The following SARAF variants were observed in gnomAD, a reference collection of about 807,000 sequenced individuals.
SARAF encodes the protein store-operated calcium entry-associated regulatory factor.
Under a neutral mutation model 39.7 loss-of-function variants are expected in SARAF, and 23 were observed. That is an observed-to-expected ratio of 0.58 (90% CI 0.42 to 0.82). The LOEUF (loss-of-function observed/expected upper bound fraction) is 0.82, where lower values mean the gene tolerates loss of function less well. Among genes scored for constraint, SARAF ranks in the 40% least tolerant of loss-of-function variants. The pLI, the probability that SARAF is intolerant of heterozygous loss-of-function variation, is 0.00. For synonymous variants in SARAF, 175 were observed against 168.5 expected, an observed-to-expected ratio of 1.04 and a Z score of -0.30; for missense variants, 384 against 418.5, an observed-to-expected ratio of 0.92 and a Z score of 0.72.
At position 30,082,884 on chromosome 8, in the gene SARAF, C is replaced by A; in HGVS notation, c.66G>T (p.Leu22=). 1 of 1,560,010 alleles carries A rather than the reference C, an allele frequency of 6.4e-7. No individual in the cohort carries two copies. Among genetic ancestry groups the A allele is most frequent in the East Asian group, 2.4e-5 (1 of 41,328 alleles). ...YCLLLGLHLF[L]LTAGPALGWN... is the part of the protein sequence containing the mutation. ...AGCCCAGGGCAGGGCCCGCGGTCAG[C>A]AGAAACAAATGCAAGCCGAGGAGCA... Residue 22 remains leucine (L), a synonymous_variant, in exon 1 of 6, where the codon CTG becomes CTT. Coordinates refer to ENST00000256255, the MANE Select transcript of SARAF (RefSeq NM_016127.6).
chr8:30,079,956 C>T (rs535481411), intron 1 of SARAF, among the ~76,000 whole-genome samples: 11 of 152,270 alleles, frequency 7.2e-5, no homozygotes, highest in Admixed American at 4.6e-4. Flanking sequence ...ATCAAAATCA[C>T]GGCAGGTCTC....
chr8:30,067,878 T>A (rs1400542275), intron 3 of SARAF, among the ~76,000 whole-genome samples: 1 of 152,222 alleles, frequency 6.6e-6, no homozygotes, highest in African/African-American at 2.4e-5. Context: ...GGTATGTACA[T>A]AGGAATAGAA....
chr8:30,074,830 CTA>C (rs1801922276), intron 1 of SARAF, among the ~76,000 whole-genome samples: 2 of 151,930 alleles, frequency 1.3e-5, no homozygotes, highest in Non-Finnish European at 1.5e-5. Flanking sequence ...TGGGTGATGA[CTA>C]TGTGTAGGTT....
At chr8:30,065,382 T>A (rs1198388361) in intron 5 of SARAF, among the ~76,000 whole-genome samples, 2 of 152,220 alleles carry the variant, frequency 1.3e-5, no homozygotes, top group African/African-American at 4.8e-5. Context: ...TCTACTCACA[T>A]TTTAAAACAT....
intron 5 of SARAF, among the ~76,000 whole-genome samples, chr8:30,064,561 A>ATATATATATTTTTTTTTTTTTTTTT (rs1423689069): frequency 4.3e-5 from 2 of 46,236 alleles, no homozygotes; most frequent in African/African-American, 2.2e-4. Flanking sequence ...ATATATATAT[A>ATATATATATTTTTTTTTTTTTTTTT]TTTTTTTTTT....
rs11538825 is a variant in SARAF at position 30,082,972 on chromosome 8, G to A, written c.-23C>T. 3 of 1,528,228 alleles carry A rather than the reference G, an allele frequency of 2.0e-6. No individual in the cohort carries two copies. The highest frequency in any genetic ancestry group is 2.5e-5 in the East Asian group (1 of 39,444). The allele number at this position is 1,528,228 out of a possible 1,614,324, so 94.7% of individuals were successfully genotyped here. A position where few individuals can be genotyped will look rare whatever the true frequency, so the allele number is the denominator to read the frequency against. Reference sequence around the variant, plus strand: ...CATGGCGCTCGATGAAGATGGCGCCGGGCTGCCAGACGCCTACGGGCCGAA... The same window carrying A: ...CATGGCGCTCGATGAAGATGGCGCCAGGCTGCCAGACGCCTACGGGCCGAA... On this transcript the variant is annotated 5_prime_UTR_variant, in exon 1 of 6. Transcript: ENST00000256255.
In SARAF at chr8:30,069,912, G is replaced by A; in HGVS notation, c.430C>T (p.Gln144Ter). 6.2e-7 allele frequency: 1 copy of A among 1,614,072 alleles called. No homozygotes were observed. The highest frequency in any genetic ancestry group is 8.5e-7 in the Non-Finnish European group (1 of 1,180,026). The change falls in exon 3 of 6, where the codon CAG (glutamine) becomes TAG (stop). Residue 144 changes from glutamine (Q) to a stop codon, truncating the protein, a stop_gained. Coordinates refer to ENST00000256255, the MANE Select transcript of SARAF (RefSeq NM_016127.6). LOFTEE classifies it high-confidence loss of function. Reference sequence around the variant, plus strand: ...TGCTTTCCAGACTCCTTCAGTTTCTGCAGGCCAAGTTCTGTATAATCTAAA... The same window carrying A: ...TGCTTTCCAGACTCCTTCAGTTTCTACAGGCCAAGTTCTGTATAATCTAAA... ...YNLDYTELGL[Q>*]KLKESGKQHG...
Position 30,074,013 on chromosome 8 carries a change from T to C in SARAF, c.146A>G (p.Tyr49Cys), listed in dbSNP as rs769336201. Reference protein sequence around the residue: ...LRDVKALTLHYDRYTTSRRLD... With the variant: ...LRDVKALTLHCDRYTTSRRLD... ...CCTGCGGGAGGTGGTATAGCGGTCA[T>C]AGTGGAGGGTAAGAGCTTTTACATC... is the stretch of plus-strand genomic sequence containing the variant. Residue 49 changes from tyrosine (Y) to cysteine (C), a missense_variant, in exon 2 of 6, where the codon TAT becomes TGT. By Grantham distance (194) the Tyr-to-Cys change is radical. Coordinates refer to ENST00000256255, the MANE Select transcript of SARAF (RefSeq NM_016127.6). The C allele has an allele frequency of 1.9e-5, 30 of 1,613,918 alleles. No individual in the cohort carries two copies. Among genetic ancestry groups the C allele is most frequent in the African/African-American group, 2.7e-5 (2 of 74,912 alleles).
rs1801792007 is a variant in SARAF at position 30,069,861 on chromosome 8, A to C, written c.481T>G (p.Tyr161Asp). The C allele has an allele frequency of 1.2e-6, 2 of 1,614,162 alleles. No homozygotes were observed. The highest frequency in any genetic ancestry group is 8.5e-7 in the Non-Finnish European group (1 of 1,180,012). The change falls in exon 3 of 6, where the codon TAT becomes GAT. Residue 161 changes from tyrosine (Y) to aspartate (D), a missense_variant. Coordinates refer to ENST00000256255, the MANE Select transcript of SARAF (RefSeq NM_016127.6). ...KQHGFASFSD[Y>D]YYKWSSADSC... The stretch of plus-strand genomic sequence containing the variant: ...TCCGCCGAGGACCACTTATAATAAT[A>C]ATCAGAGAAAGAGGCAAAGCCGTGC...
chr8:30,073,953 C>T lies in SARAF; in HGVS notation c.206G>A (p.Gly69Asp). Residue 69 changes from glycine (G) to aspartate (D), a missense_variant, in exon 2 of 6, where the codon GGC becomes GAC. Transcript: ENST00000256255. ...GGTATAAGAATCACAACCAGCTGTG[C>T]CTCCAACACATTTCAACTGTGGGAT... ...DPIPQLKCVGGTAGCDSYTPK... is the reference protein window; with the variant it reads ...DPIPQLKCVGDTAGCDSYTPK... 6.2e-7 allele frequency: 1 copy of T among 1,614,196 alleles called. No homozygotes were observed. The highest frequency in any genetic ancestry group is 2.2e-5 in the East Asian group (1 of 44,886).
At chr8:30,071,864 T>C (rs1801855336) in intron 2 of SARAF, among the ~76,000 whole-genome samples, 1 of 152,202 alleles carries the variant, frequency 6.6e-6, no homozygotes, top group African/African-American at 2.4e-5. Flanking sequence ...GTAATGGACA[T>C]TTGAATTGTT....
intron 1 of SARAF, among the ~76,000 whole-genome samples, chr8:30,076,365 TC>T (rs1801966488): frequency 1.3e-5 from 2 of 152,180 alleles, no homozygotes; most frequent in South Asian, 4.1e-4. Context: ...GGATGACTAT[TC>T]CCTTGGTAAT....
intron 1 of SARAF, among the ~76,000 whole-genome samples, chr8:30,079,158 CAA>C (rs60893961): frequency 0.049 from 2,688 of 54,518 alleles, 65 homozygotes; most frequent in African/African-American, 0.15. Flanking sequence ...AACTCCATCT[CAA>C]AAAAAAAAAA....
chr8:30,066,220 G>GA (rs1801690038), intron 4 of SARAF, 81 bp from the exon 5 acceptor site: 9 of 1,343,012 alleles, frequency 6.7e-6, no homozygotes, highest in Middle Eastern at 1.9e-4. Context: ...TAAACTGTCA[G>GA]AAAAAAATAT....
At chr8:30,064,561 A>ATTTTTTTTTTTT (rs869277681) in intron 5 of SARAF, among the ~76,000 whole-genome samples, 18 of 46,224 alleles carry the variant, frequency 3.9e-4, no homozygotes, top group African/African-American at 1.5e-3. Flanking sequence ...ATATATATAT[A>ATTTTTTTTTTTT]TTTTTTTTTT....
intron 2 of SARAF, 40 bp from the exon 3 acceptor site, chr8:30,070,099 T>C (rs1314580506): frequency 1.3e-6 from 2 of 1,483,126 alleles, no homozygotes; most frequent in Admixed American, 2.1e-5. Context: ...GAAACAAACA[T>C]TTTTTTCATT....
chr8:30,076,136 C>T (rs148861918), intron 1 of SARAF, among the ~76,000 whole-genome samples: 1 of 152,242 alleles, frequency 6.6e-6, no homozygotes, highest in African/African-American at 2.4e-5. Context: ...TCCCTCTTCC[C>T]CACTAAGGAA....
Position 30,064,561 on chromosome 8 carries a change from A to ATATATATATTTTTTTTTT in SARAF, c.995-649_995-648insAAAAAAAAAATATATATA, listed in dbSNP as rs1423689069. Among the ~76,000 whole-genome samples, 7 of 46,232 alleles carry ATATATATATTTTTTTTTT rather than the reference A, an allele frequency of 1.5e-4. No individual in the cohort carries two copies. The East Asian group carries it at 3.1e-3, about 21-fold the overall frequency. The allele number at this position is 46,232 out of a possible 152,430, so 30.3% of individuals were successfully genotyped here. On this transcript the variant is annotated intron_variant, in intron 5 of 5. Transcript: ENST00000256255. ...TATATATATATATATATATATATATATTTTTTTTTTTTTTTTTTGAGACAG... is the reference window on the plus strand; with the variant it reads ...TATATATATATATATATATATATATATATATATATTTTTTTTTTTTTTTTTTTTTTTTTTTTGAGACAG...
intron 1 of SARAF, among the ~76,000 whole-genome samples, chr8:30,075,225 GGGA>G (rs373744485): frequency 0.012 from 1,767 of 151,598 alleles, 20 homozygotes; most frequent in Non-Finnish European, 0.02. Context: ...GCTTGAACCT[GGGA>G]GGAGGAGGTT....
Sources: gnomAD v4.1 joint callset for allele counts (sites outside exome capture counted in the v4.1 genomes callset) on GRCh38, gnomAD v4.1.1 for gene constraint, MANE v1.5 for transcripts, NCBI Gene and HGNC (gene_info 2026-07-23, HGNC 2026-07-21) for gene names.